APP: variants seen among roughly 807,000 people sequenced by gnomAD.
APP encodes amyloid-beta precursor protein.
Under a neutral mutation model 101.4 loss-of-function variants are expected in APP, and 31 were observed. The observed-to-expected ratio is 0.31, with a 90% CI of 0.23 to 0.41. APP has a LOEUF of 0.41. Ranked by LOEUF, APP falls within the 10% of genes least tolerant of loss-of-function variation. The pLI is 1.00. For synonymous variants in APP, 366 were observed against 364.4 expected (o/e 1.00, Z -0.05); for missense variants, 839 against 1,003.7 (o/e 0.84, Z 2.22).
At chr21:26,151,975 A>C (rs2063280277) in intron 1 of APP, among the ~76,000 whole-genome samples, 1 of 152,142 alleles carries the variant, frequency 6.6e-6, no homozygotes, top group Non-Finnish European at 1.5e-5. Flanking sequence ...TAGAAATGCC[A>C]AATAAAAAAG....
intron 14 of APP, among the ~76,000 whole-genome samples, chr21:25,909,834 T>C (rs1376753015): frequency 2.0e-5 from 3 of 152,226 alleles, no homozygotes; most frequent in Non-Finnish European, 4.4e-5. Flanking sequence ...AGGTCTTTGA[T>C]AATGAACTGT....
At chr21:25,974,667 T>C (rs1026187857) in intron 11 of APP, among the ~76,000 whole-genome samples, 4 of 152,230 alleles carry the variant, frequency 2.6e-5, no homozygotes, top group African/African-American at 9.7e-5. Context: ...AATAAACTTC[T>C]GTTGCTGATA....
At chr21:25,999,895 T>C (rs1016136667) in intron 7 of APP, 120 bp downstream of exon 7, 3 of 1,129,608 alleles carry the variant, frequency 2.7e-6, no homozygotes, top group South Asian at 2.7e-5. Flanking sequence ...TGGACAGAAA[T>C]GTGGTTAGTG....
Position 25,955,685 on chromosome 21 carries a change from T to G in APP, c.1529A>C (p.Lys510Thr). ...AEQKDRQHTL[K>T]HFEHVRMVDP... ...CACCATGCGCACATGCTCGAAATGCTTTAGGGTGTGCTGTCTGTCCTTCTG... is the reference window on the plus strand; with the variant it reads ...CACCATGCGCACATGCTCGAAATGCGTTAGGGTGTGCTGTCTGTCCTTCTG... The change falls in exon 12 of 18, where the codon AAG becomes ACG. Residue 510 changes from lysine (K) to threonine (T), a missense_variant. Transcript: ENST00000346798. 1 of 1,614,182 alleles carries G rather than the reference T, an allele frequency of 6.2e-7. No individual in the cohort carries two copies. Among genetic ancestry groups the G allele is most frequent in the South Asian group, 1.1e-5 (1 of 91,084 alleles).
intron 5 of APP, among the ~76,000 whole-genome samples, chr21:26,038,347 A>T (rs2045215590): frequency 6.6e-6 from 1 of 152,226 alleles, no homozygotes; most frequent in Non-Finnish European, 1.5e-5. Context: ...CTAATTAAAA[A>T]GGGAACATGT....
At chr21:26,134,230 G>A (rs1331996636) in intron 1 of APP, among the ~76,000 whole-genome samples, 1 of 152,126 alleles carries the variant, frequency 6.6e-6, no homozygotes, top group Non-Finnish European at 1.5e-5. Context: ...GATGCCAGCT[G>A]AGTGTCCTCT....
chr21:26,004,657 TTC>T (rs1175974968), intron 6 of APP, among the ~76,000 whole-genome samples: 1 of 152,192 alleles, frequency 6.6e-6, no homozygotes, highest in African/African-American at 2.4e-5. Flanking sequence ...TTAATTTTTT[TTC>T]TTTTTTATTA....
At chr21:25,951,514 C>CT in intron 13 of APP, among the ~76,000 whole-genome samples, 1 of 152,246 alleles carries the variant, frequency 6.6e-6, no homozygotes, top group East Asian at 1.9e-4. Context: ...TTTTTAGGGA[C>CT]TTTAAAATTT....
At chr21:26,146,068 T>G (rs969363783) in intron 1 of APP, among the ~76,000 whole-genome samples, 1 of 152,224 alleles carries the variant, frequency 6.6e-6, no homozygotes, top group Admixed American at 6.5e-5. Flanking sequence ...TCTAAAAAAT[T>G]TCTGTACCAG....
chr21:26,044,626 G>A (rs750401885), intron 5 of APP, among the ~76,000 whole-genome samples: 3 of 152,076 alleles, frequency 2.0e-5, no homozygotes, highest in Admixed American at 1.3e-4. Context: ...TGCAACCTCT[G>A]CCTCCCTGGT....
chr21:26,170,728 G>C lies in APP; in HGVS notation c.-108C>G. 8.5e-7 allele frequency: 1 copy of C among 1,182,072 alleles called. No homozygotes were observed. Among genetic ancestry groups the C allele is most frequent in the East Asian group, 3.1e-5 (1 of 32,388 alleles). The allele number at this position is 1,182,072 out of a possible 1,614,324, so 73.2% of individuals were successfully genotyped here. ...GCCGTCTCCCGGGGCCCCCGCGCAC[G>C]CTCCTCCGCGTGCTCTCGCCTACCG... On this transcript the variant is annotated 5_prime_UTR_variant, in exon 1 of 18. Transcript: ENST00000346798.
intron 1 of APP, among the ~76,000 whole-genome samples, chr21:26,162,736 A>G (rs2063517484): frequency 6.7e-6 from 1 of 149,732 alleles, no homozygotes; most frequent in African/African-American, 2.5e-5. Context: ...TATGCAACAG[A>G]TCTCTTATTC....
chr21:26,168,848 T>A (rs957355109), intron 1 of APP, among the ~76,000 whole-genome samples: 1 of 152,144 alleles, frequency 6.6e-6, no homozygotes, highest in African/African-American at 2.4e-5. Context: ...GAGCCACTTG[T>A]GGGTAAAAAT....
At chr21:25,982,553 G>T in intron 8 of APP, 76 bp from the exon 9 acceptor site, 1 of 1,437,904 alleles carries the variant, frequency 7.0e-7, no homozygotes. Flanking sequence ...TTAATAGAAA[G>T]CCGTATTTTC....
At chr21:26,048,635 C>G (rs1184265389) in intron 5 of APP, among the ~76,000 whole-genome samples, 5 of 152,024 alleles carry the variant, frequency 3.3e-5, no homozygotes, top group Non-Finnish European at 7.4e-5. Context: ...ACATACCAGA[C>G]ACATAAACTA....
At chr21:26,118,184 T>C (rs1266087854) in intron 1 of APP, among the ~76,000 whole-genome samples, 1 of 152,172 alleles carries the variant, frequency 6.6e-6, no homozygotes, top group African/African-American at 2.4e-5. Context: ...AAGAGGTCCC[T>C]CAATAGGAGT....
At chr21:26,134,703 C>G (rs1000909909) in intron 1 of APP, among the ~76,000 whole-genome samples, 3 of 152,194 alleles carry the variant, frequency 2.0e-5, no homozygotes, top group Admixed American at 6.5e-5. Flanking sequence ...CAAACTTCAG[C>G]TCCTGGAGGT....
Position 25,982,494 on chromosome 21 carries a change from A to T in APP, c.1091-17T>A, listed in dbSNP as rs1568804993. On this transcript the variant is annotated splice_polypyrimidine_tract_variant and intron_variant, in intron 8 of 17. Transcript: ENST00000346798. ...TTGTAGGAACTATAAAGTAGAAGAG[A>T]AGGAGGTTTGAGAAAAAAAAGCCAA... 1.2e-6 allele frequency: 2 copies of T among 1,612,952 alleles called. No individual in the cohort carries two copies. Among genetic ancestry groups the T allele is most frequent in the African/African-American group, 1.3e-5 (1 of 74,792 alleles).
intron 3 of APP, among the ~76,000 whole-genome samples, chr21:26,081,853 T>G (rs1367417791): frequency 6.6e-6 from 1 of 152,246 alleles, no homozygotes; most frequent in East Asian, 1.9e-4. Context: ...TGTGAAAATA[T>G]GCCCTGAGTT....
Sources: gnomAD v4.1 joint callset for allele counts (sites outside exome capture counted in the v4.1 genomes callset) on GRCh38, gnomAD v4.1.1 for gene constraint, MANE v1.5 for transcripts, NCBI Gene and HGNC (gene_info 2026-07-23, HGNC 2026-07-21) for gene names.